Variants in SNTG1 observed in about 807,000 individuals in gnomAD.
SNTG1 encodes the protein gamma-1-syntrophin.
Under a neutral mutation model 74.7 loss-of-function variants are expected in SNTG1, and 39 were observed. The observed-to-expected ratio is 0.52, with a 90% CI of 0.40 to 0.68. The LOEUF (loss-of-function observed/expected upper bound fraction) is 0.68. Ranked by LOEUF, SNTG1 falls within the 30% of genes least tolerant of loss-of-function variation. SNTG1 has a pLI of 0.00. For missense variants in SNTG1, 685 were observed against 609.5 expected (o/e 1.12, Z -1.30); for synonymous variants, 254 against 217.1 (o/e 1.17, Z -1.49).
intron 15 of SNTG1, among the ~76,000 whole-genome samples, chr8:50,704,114 T>G (rs555910225): frequency 9.4e-4 from 84 of 89,788 alleles, no homozygotes; most frequent in African/African-American, 2.9e-3. Context: ...AAATAATGCG[T>G]TTTTTTTTAA....
chr8:50,148,454 A>C (rs182971008), intron 1 of SNTG1, among the ~76,000 whole-genome samples: 305 of 152,294 alleles, frequency 2.0e-3, no homozygotes, highest in African/African-American at 6.5e-3. Context: ...CATGTGCACA[A>C]CGTGCAGGTT....
chr8:50,103,991 A>G (rs1287363390), intron 1 of SNTG1, among the ~76,000 whole-genome samples: 5 of 152,176 alleles, frequency 3.3e-5, no homozygotes, highest in South Asian at 4.1e-4. Context: ...TTTTGCATCA[A>G]TGTTCATCAG....
intron 9 of SNTG1, among the ~76,000 whole-genome samples, chr8:50,523,109 CT>C (rs998891885): frequency 2.0e-5 from 3 of 151,990 alleles, no homozygotes; most frequent in African/African-American, 4.8e-5. Context: ...TATCTTCAAA[CT>C]TTTTTTTCTG....
Position 50,788,327 on chromosome 8 carries a change from C to T in SNTG1, c.1396-4344C>T, listed in dbSNP as rs184958600. Among the ~76,000 whole-genome samples, 9 of 152,140 alleles carry T rather than the reference C, an allele frequency of 5.9e-5. No individual in the cohort carries two copies. In the East Asian group the frequency reaches 1.6e-3, roughly 26 times the overall value. On this transcript the variant is annotated intron_variant, in intron 18 of 18. Coordinates refer to ENST00000642720, the MANE Select transcript of SNTG1 (RefSeq NM_018967.5). ...ATTTACAGAATGTAATTTTCTCCAG[C>T]AGTTTCAATATTTTTTTGTCCTCAC...
intron 4 of SNTG1, among the ~76,000 whole-genome samples, chr8:50,428,482 G>T (rs1329624289): frequency 1.3e-5 from 2 of 152,154 alleles, no homozygotes; most frequent in Non-Finnish European, 2.9e-5. Context: ...AGAAACAAAA[G>T]TGGAATTGTG....
At chr8:50,100,228 T>C (rs2080072231) in intron 1 of SNTG1, among the ~76,000 whole-genome samples, 1 of 151,840 alleles carries the variant, frequency 6.6e-6, no homozygotes. Flanking sequence ...TTCATAGAAG[T>C]AGAGTAAAAT....
At chr8:50,509,107 T>A (rs563040761) in intron 9 of SNTG1, among the ~76,000 whole-genome samples, 121 of 152,232 alleles carry the variant, frequency 7.9e-4, no homozygotes, top group Non-Finnish European at 1.4e-3. Context: ...ATAAGGTTTA[T>A]GGAAGGGATC....
intron 15 of SNTG1, among the ~76,000 whole-genome samples, chr8:50,701,785 TTCC>T (rs757213425): frequency 8.1e-4 from 113 of 140,260 alleles, no homozygotes; most frequent in South Asian, 6.9e-3. Flanking sequence ...TCTCTTCCTC[TTCC>T]TCCTCCTCCT....
In SNTG1 at chr8:50,461,573, A is replaced by C. The variant is rs1309639658; in HGVS notation, c.363+10844A>C. 3.9e-5 allele frequency among the ~76,000 whole-genome samples: 6 copies of C among 152,132 alleles called. No homozygotes were observed. The East Asian group carries it at 5.8e-4, about 15-fold the overall frequency. On this transcript the variant is annotated intron_variant, in intron 8 of 18. Transcript: ENST00000642720. ...AATCACTCTGGATGCATATATATTT[A>C]TTTTATACTTTGGGATGTAATCCAA...
intron 18 of SNTG1, among the ~76,000 whole-genome samples, chr8:50,769,293 T>C (rs2095621483): frequency 6.6e-6 from 1 of 152,150 alleles, no homozygotes; most frequent in Admixed American, 6.6e-5. Context: ...TGCAGCATTT[T>C]GTTTTATCCT....
intron 18 of SNTG1, among the ~76,000 whole-genome samples, chr8:50,758,511 C>T (rs2095587625): frequency 6.6e-6 from 1 of 151,996 alleles, no homozygotes; most frequent in African/African-American, 2.4e-5. Flanking sequence ...TGTGTTGTCT[C>T]CTTCCCTGTG....
intron 9 of SNTG1, among the ~76,000 whole-genome samples, chr8:50,506,855 A>C (rs1349055761): frequency 6.6e-6 from 1 of 152,036 alleles, no homozygotes; most frequent in African/African-American, 2.4e-5. Context: ...TGTTGAATAG[A>C]AGACTTGAGA....
At position 50,087,152 on chromosome 8, in the gene SNTG1, T is replaced by TTAAAA. The variant is rs1266558130; in HGVS notation, c.-102-85409_-102-85408insTAAAA. On this transcript the variant is annotated intron_variant, in intron 1 of 18. Transcript: ENST00000642720. The stretch of plus-strand genomic sequence containing the variant: ...ATGTCTATTTTTTAACAGCCCTCTG[T>TTAAAA]GATTGATCTTTTCTGAATAAGACAT... Among the ~76,000 whole-genome samples, 6 of 152,174 alleles carry TTAAAA rather than the reference T, an allele frequency of 3.9e-5. No individual in the cohort carries two copies. In the East Asian group the frequency reaches 1.2e-3, roughly 29 times the overall value.
At chr8:50,115,329 G>A (rs2080769422) in intron 1 of SNTG1, among the ~76,000 whole-genome samples, 1 of 152,024 alleles carries the variant, frequency 6.6e-6, no homozygotes, top group African/African-American at 2.4e-5. Flanking sequence ...CACTTTGGGA[G>A]GCCGAGGTGG....
chr8:50,086,942 G>A (rs1822943542), intron 1 of SNTG1, among the ~76,000 whole-genome samples: 1 of 152,148 alleles, frequency 6.6e-6, no homozygotes, highest in Non-Finnish European at 1.5e-5. Flanking sequence ...ATTGTTTTCA[G>A]AACATTCTTT....
At chr8:50,784,081 C>G (rs939561809) in intron 18 of SNTG1, among the ~76,000 whole-genome samples, 6 of 152,146 alleles carry the variant, frequency 3.9e-5, no homozygotes, top group African/African-American at 1.2e-4. Flanking sequence ...ACAGTGGGCT[C>G]TTCATAACTA....
intron 2 of SNTG1, among the ~76,000 whole-genome samples, chr8:50,258,832 G>T (rs960536276): frequency 6.6e-6 from 1 of 151,980 alleles, no homozygotes; most frequent in Non-Finnish European, 1.5e-5. Context: ...TGAGATTACC[G>T]CCTGATGAGA....
At chr8:50,243,688 A>T (rs930329226) in intron 2 of SNTG1, among the ~76,000 whole-genome samples, 3 of 150,380 alleles carry the variant, frequency 2.0e-5, no homozygotes, top group Non-Finnish European at 3.0e-5. Context: ...TAATTAATTA[A>T]TTTTTTTTTT....
intron 1 of SNTG1, among the ~76,000 whole-genome samples, chr8:50,160,351 T>C (rs1336840979): frequency 1.3e-5 from 2 of 152,218 alleles, no homozygotes; most frequent in Non-Finnish European, 2.9e-5. Flanking sequence ...TGGTAACTGG[T>C]AACCTTTTGT....
Sources: gnomAD v4.1 joint callset for allele counts (sites outside exome capture counted in the v4.1 genomes callset) on GRCh38, gnomAD v4.1.1 for gene constraint, MANE v1.5 for transcripts, NCBI Gene and HGNC (gene_info 2026-07-23, HGNC 2026-07-21) for gene names.